Variants in PLA2G1B observed in about 807,000 individuals in gnomAD.
PLA2G1B encodes phospholipase A2.
PLA2G1B carries 12 observed loss-of-function variants against 12.5 expected under a neutral mutation model. That is an observed-to-expected ratio of 0.96 (90% CI 0.62 to 1.56). The LOEUF (loss-of-function observed/expected upper bound fraction) is 1.56. Among genes scored for constraint, PLA2G1B ranks in the 40% most tolerant of loss-of-function variants. The pLI is 0.00. For missense variants in PLA2G1B, 189 were observed against 186.7 expected (o/e 1.01, Z -0.07); for synonymous variants, 81 against 73.4 (o/e 1.10, Z -0.53).
intron 1 of PLA2G1B, among the ~76,000 whole-genome samples, chr12:120,327,124 CA>C (rs1242547651): frequency 6.6e-6 from 1 of 151,508 alleles, no homozygotes; most frequent in Non-Finnish European, 1.5e-5. Flanking sequence ...AAAAAACACA[CA>C]AAAAATTAGC....
chr12:120,326,188 T>C (rs1387958616), intron 1 of PLA2G1B, 168 bp from the exon 2 acceptor site: 2 of 503,782 alleles, frequency 4.0e-6, no homozygotes, highest in Non-Finnish European at 3.5e-6. Context: ...TAGAGGTTTT[T>C]TTTTTTTTTT....
intron 1 of PLA2G1B, among the ~76,000 whole-genome samples, chr12:120,327,163 T>G (rs1428462714): frequency 6.6e-6 from 1 of 151,514 alleles, no homozygotes. Context: ...GCCAGCTACT[T>G]GAGAGCTACA....
At chr12:120,323,647 TGTGA>T (rs776634053) in intron 3 of PLA2G1B, among the ~76,000 whole-genome samples, 2 of 151,632 alleles carry the variant, frequency 1.3e-5, no homozygotes, top group Admixed American at 1.3e-4. Flanking sequence ...AAAAACTGTG[TGTGA>T]GTGTGTGTGT....
At chr12:120,326,182 G>T in intron 1 of PLA2G1B, 162 bp from the exon 2 acceptor site, 3 of 353,834 alleles carry the variant, frequency 8.5e-6, no homozygotes, top group Non-Finnish European at 1.3e-5. Flanking sequence ...AGTGGGTAGA[G>T]GTTTTTTTTT....
Position 120,327,288 on chromosome 12 carries a change from C to T in PLA2G1B, c.34+432G>A, listed in dbSNP as rs77059747. Among the ~76,000 whole-genome samples, 29 of 151,402 alleles carry T rather than the reference C, an allele frequency of 1.9e-4. 1 individual carries two copies. The East Asian group carries it at 5.2e-3, about 27-fold the overall frequency. On this transcript the variant is annotated intron_variant, in intron 1 of 3. Coordinates refer to ENST00000308366, the MANE Select transcript of PLA2G1B (RefSeq NM_000928.3). ...CCAGCCTGGGCGACAGAGTGAGCCC[C>T]GTCTCAAAAATAAAATAAAGTAAAA... is the stretch of plus-strand genomic sequence containing the variant.
intron 2 of PLA2G1B, 32 bp from the exon 3 acceptor site, chr12:120,325,093 G>A (rs746164307): frequency 6.2e-7 from 1 of 1,613,160 alleles, no homozygotes; most frequent in South Asian, 1.1e-5. Context: ...TGAGATAGGA[G>A]TAAGTGCAGA....
intron 1 of PLA2G1B, 44 bp from the exon 2 acceptor site, chr12:120,326,064 C>T (rs753041320): frequency 6.2e-7 from 1 of 1,602,026 alleles, no homozygotes; most frequent in South Asian, 1.1e-5. Flanking sequence ...CTGCCAGCAC[C>T]CCGGGGACAC....
Position 120,325,036 on chromosome 12 carries a change from A to T in PLA2G1B, c.220T>A (p.Tyr74Asn), listed in dbSNP as rs1355768498. Residue 74 changes from tyrosine to asparagine, a missense_variant, in exon 3 of 4, where the codon TAT (tyrosine) becomes AAT (asparagine). Transcript: ENST00000308366. ...CTGTCCAGCTTCTTGGCCTGGTCATAGCAGTTGTCATGTGTCTGGCAGCAC... is the reference window on the plus strand; with the variant it reads ...CTGTCCAGCTTCTTGGCCTGGTCATTGCAGTTGTCATGTGTCTGGCAGCAC... ...DKCCQTHDNC[Y>N]DQAKKLDSCK... 6.2e-7 allele frequency: 1 copy of T among 1,613,900 alleles called. No individual in the cohort carries two copies. The highest frequency in any genetic ancestry group is 2.2e-5 in the East Asian group (1 of 44,882).
chr12:120,326,531 A>G (rs975375229), intron 1 of PLA2G1B, among the ~76,000 whole-genome samples: 1 of 148,706 alleles, frequency 6.7e-6, no homozygotes. Context: ...AGCACTTACT[A>G]TGTGCCAGGC....
At chr12:120,325,128 C>G (rs994249055) in intron 2 of PLA2G1B, 67 bp from the exon 3 acceptor site, 238 of 1,560,962 alleles carry the variant, frequency 1.5e-4, no homozygotes, top group South Asian at 1.3e-3. Context: ...CTCACCTGCC[C>G]ACTCTCAGGA....
intron 2 of PLA2G1B, 86 bp downstream of exon 2, chr12:120,325,775 C>T (rs1873329334): frequency 8.0e-7 from 1 of 1,250,276 alleles, no homozygotes; most frequent in Non-Finnish European, 1.2e-6. Context: ...ATGCAAGTCC[C>T]CTTTGTATGC....
chr12:120,325,992 A>T lies in PLA2G1B; in HGVS notation c.63T>A (p.Pro21=), dbSNP rs749409387. The T allele has an allele frequency of 1.9e-6, 3 of 1,614,048 alleles. No individual in the cohort carries two copies. The highest frequency in any genetic ancestry group is 2.2e-5 in the South Asian group (2 of 91,080). Residue 21 remains proline, a synonymous_variant, in exon 2 of 4, where the codon CCT becomes CCA. Coordinates refer to ENST00000308366, the MANE Select transcript of PLA2G1B (RefSeq NM_000928.3). ...TTTTGCGGAACTGCCACACGGCCCGAGGGCTGATGCCGCTGTCGGCGGCGG... is the reference window on the plus strand; with the variant it reads ...TTTTGCGGAACTGCCACACGGCCCGTGGGCTGATGCCGCTGTCGGCGGCGG... ...TVAAADSGIS[P]RAVWQFRKMI...
intron 1 of PLA2G1B, among the ~76,000 whole-genome samples, chr12:120,327,487 T>G (rs1873374228): frequency 6.6e-6 from 1 of 151,880 alleles, no homozygotes; most frequent in Admixed American, 6.6e-5. Flanking sequence ...AAAAAGAAAA[T>G]AAAGGCAAGC....
rs1416067976 is a variant in PLA2G1B at position 120,325,843 on chromosome 12, T to C, written c.194+18A>G. 2 of 1,612,338 alleles carry C rather than the reference T, an allele frequency of 1.2e-6. No homozygotes were observed. The highest frequency in any genetic ancestry group is 2.2e-5 in the South Asian group (2 of 90,920). ...CCCCCGGCAGGCACTCCAATTTTCC[T>C]GCAGGCGGATCACTTACTTGTCCAG... On this transcript the variant is annotated intron_variant, in intron 2 of 3. Coordinates refer to ENST00000308366, the MANE Select transcript of PLA2G1B (RefSeq NM_000928.3).
chr12:120,325,741 G>T, intron 2 of PLA2G1B, 120 bp downstream of exon 2: 1 of 927,558 alleles, frequency 1.1e-6, no homozygotes. Flanking sequence ...GACAAGAGGT[G>T]AAAATATGTT....
At chr12:120,323,327 G>A (rs1873274163) in intron 3 of PLA2G1B, among the ~76,000 whole-genome samples, 3 of 151,710 alleles carry the variant, frequency 2.0e-5, no homozygotes, top group Admixed American at 2.0e-4. Flanking sequence ...GTGCAGTGGT[G>A]GGATCTCGGC....
chr12:120,324,884 C>G (rs1213510216), intron 3 of PLA2G1B, 50 bp downstream of exon 3: 4 of 1,597,456 alleles, frequency 2.5e-6, no homozygotes, highest in Non-Finnish European at 2.6e-6. Flanking sequence ...TTCCCCCCGG[C>G]CTACTGAGAA....
intron 1 of PLA2G1B, among the ~76,000 whole-genome samples, chr12:120,326,382 G>A (rs1421898580): frequency 7.7e-6 from 1 of 130,444 alleles, no homozygotes; most frequent in East Asian, 2.2e-4. Context: ...TTGCTCTGTT[G>A]CCCAGGTTGG....
At chr12:120,322,482 G>A (rs1390835439) in intron 3 of PLA2G1B, among the ~76,000 whole-genome samples, 165 bp from the exon 4 acceptor site, 2 of 152,184 alleles carry the variant, frequency 1.3e-5, no homozygotes, top group African/African-American at 4.8e-5. Flanking sequence ...AGTTAAATTT[G>A]ACTTTCAGAT....
Sources: gnomAD v4.1 joint callset for allele counts (sites outside exome capture counted in the v4.1 genomes callset) on GRCh38, gnomAD v4.1.1 for gene constraint, MANE v1.5 for transcripts, NCBI Gene and HGNC (gene_info 2026-07-23, HGNC 2026-07-21) for gene names.